The following GSK3B variants were observed in gnomAD, a reference collection of about 807,000 sequenced individuals.
GSK3B encodes the protein glycogen synthase kinase-3 beta.
Under a neutral mutation model 56.4 loss-of-function variants are expected in GSK3B, and 15 were observed. The ratio of observed to expected loss-of-function variants is 0.27; its 90% CI spans 0.18 to 0.41. The LOEUF (loss-of-function observed/expected upper bound fraction) is 0.41, where lower values mean the gene tolerates loss of function less well. Ranked by LOEUF, GSK3B falls within the 10% of genes least tolerant of loss-of-function variation. The pLI is 1.00. For missense variants in GSK3B, 300 were observed against 513.4 expected (o/e 0.58, Z 4.02); for synonymous variants, 181 against 188.9 (o/e 0.96, Z 0.34).
At chr3:119,940,696 T>C (rs1431919185) in intron 3 of GSK3B, among the ~76,000 whole-genome samples, 1 of 152,192 alleles carries the variant, frequency 6.6e-6, no homozygotes, top group African/African-American at 2.4e-5. Context: ...GGTTCTGTTT[T>C]ATCTTTTGGG....
intron 7 of GSK3B, among the ~76,000 whole-genome samples, chr3:119,890,330 C>T (rs936389907): frequency 7.2e-5 from 11 of 152,002 alleles, no homozygotes; most frequent in African/African-American, 2.7e-4. Context: ...GTGATACAGG[C>T]AGCAACACTG....
chr3:119,850,406 C>G (rs2055913995), intron 9 of GSK3B, among the ~76,000 whole-genome samples: 1 of 152,194 alleles, frequency 6.6e-6, no homozygotes, highest in Non-Finnish European at 1.5e-5. Flanking sequence ...TTGCTTTCAT[C>G]TGTTCAGTCT....
intron 10 of GSK3B, among the ~76,000 whole-genome samples, chr3:119,827,406 A>G (rs1160641863): frequency 6.6e-6 from 1 of 152,028 alleles, no homozygotes; most frequent in Non-Finnish European, 1.5e-5. Context: ...CAATTTAATA[A>G]AGCATCTTGT....
chr3:120,043,641 G>T (rs934945723), intron 1 of GSK3B, among the ~76,000 whole-genome samples: 1 of 152,130 alleles, frequency 6.6e-6, no homozygotes, highest in Non-Finnish European at 1.5e-5. Context: ...TCCCCAGATG[G>T]CTGTACCAAC....
rs56728675 is a variant in GSK3B, at chr3:119,823,343, G to A, written c.*3445C>T. ...GAGGAAATGGGCTAAGAGTTCCCTT[G>A]TTAAAACAACAGTCCTCTATTGGCA... On this transcript the variant is annotated 3_prime_UTR_variant, in exon 11 of 11. Transcript: ENST00000264235. 0.24 allele frequency: 49,554 copies of A among 204,540 alleles called. 6,742 individuals are homozygous for A. Among genetic ancestry groups the A allele is most frequent in the East Asian group, 0.48 (6,373 of 13,362 alleles). 12.7% of individuals were successfully genotyped at this position (204,540 alleles called of 1,614,324 possible).
intron 3 of GSK3B, among the ~76,000 whole-genome samples, chr3:119,940,963 T>C (rs2057043155): frequency 6.6e-6 from 1 of 152,152 alleles, no homozygotes; most frequent in South Asian, 2.1e-4. Flanking sequence ...TCATACCTTT[T>C]AGCTATTATT....
intron 1 of GSK3B, among the ~76,000 whole-genome samples, chr3:120,026,004 A>AT (rs1185800084): frequency 6.6e-5 from 10 of 152,200 alleles, no homozygotes; most frequent in African/African-American, 1.9e-4. Flanking sequence ...GATTAAGAGG[A>AT]TAAAATGTCA....
chr3:119,964,551 A>C (rs1436075838), intron 2 of GSK3B, among the ~76,000 whole-genome samples: 5 of 152,220 alleles, frequency 3.3e-5, no homozygotes, highest in Non-Finnish European at 7.3e-5. Flanking sequence ...CATAACAAGG[A>C]ATCAAACCTA....
intron 3 of GSK3B, among the ~76,000 whole-genome samples, chr3:119,930,443 T>A (rs2056934958): frequency 6.6e-6 from 1 of 152,020 alleles, no homozygotes; most frequent in African/African-American, 2.4e-5. Flanking sequence ...ATAAAACACA[T>A]CATGGGATAG....
chr3:119,831,605 C>T (rs1163116645), intron 10 of GSK3B, among the ~76,000 whole-genome samples: 5 of 148,818 alleles, frequency 3.4e-5, no homozygotes, highest in Admixed American at 2.0e-4. Flanking sequence ...TGCAATGAGC[C>T]GAAATCATGC....
At chr3:119,918,233 G>C (rs533031598) in intron 4 of GSK3B, among the ~76,000 whole-genome samples, 2 of 152,068 alleles carry the variant, frequency 1.3e-5, no homozygotes, top group East Asian at 3.9e-4. Context: ...CACTTTGGGA[G>C]ACCAAGGCAG....
At chr3:120,014,936 T>C (rs1296330833) in intron 1 of GSK3B, among the ~76,000 whole-genome samples, 12 of 152,196 alleles carry the variant, frequency 7.9e-5, no homozygotes, top group Non-Finnish European at 1.5e-4. Flanking sequence ...ATCATGCTAC[T>C]GAAATTAACA....
At chr3:119,943,398 G>A (rs77863146) in intron 3 of GSK3B, among the ~76,000 whole-genome samples, 3,941 of 152,092 alleles carry the variant, frequency 0.026, 172 homozygotes, top group African/African-American at 0.089. Context: ...TAACCAAAAT[G>A]CCTATACATA....
chr3:120,021,741 T>A (rs936253386), intron 1 of GSK3B, among the ~76,000 whole-genome samples: 1 of 152,194 alleles, frequency 6.6e-6, no homozygotes, highest in Non-Finnish European at 1.5e-5. Flanking sequence ...CTGCTTCTTA[T>A]GAATGAGCAA....
At chr3:119,893,938 G>A (rs1283667051) in intron 7 of GSK3B, among the ~76,000 whole-genome samples, 1 of 151,128 alleles carries the variant, frequency 6.6e-6, no homozygotes, top group African/African-American at 2.4e-5. Context: ...ACAACTGAGT[G>A]ATTTTTACTA....
intron 7 of GSK3B, among the ~76,000 whole-genome samples, chr3:119,880,741 C>T (rs990990261): frequency 6.6e-6 from 1 of 152,096 alleles, no homozygotes; most frequent in African/African-American, 2.4e-5. Context: ...CTTATTCTAA[C>T]CCCTATTTCT....
chr3:119,979,987 A>T (rs1480289959), intron 2 of GSK3B, among the ~76,000 whole-genome samples: 1 of 152,058 alleles, frequency 6.6e-6, no homozygotes, highest in African/African-American at 2.4e-5. Flanking sequence ...AAATTAGCAG[A>T]GAGAAAAAAA....
At chr3:119,942,669 C>T (rs555083227) in intron 3 of GSK3B, among the ~76,000 whole-genome samples, 4 of 152,178 alleles carry the variant, frequency 2.6e-5, no homozygotes, top group African/African-American at 7.2e-5. Flanking sequence ...TCATCTGATC[C>T]CACACCTTAG....
intron 1 of GSK3B, among the ~76,000 whole-genome samples, chr3:120,015,666 A>T (rs1045961471): frequency 1.4e-5 from 2 of 146,724 alleles, no homozygotes; most frequent in Non-Finnish European, 3.0e-5. Context: ...AAAAAAAAAA[A>T]AAAAAAAAAA....
Sources: gnomAD v4.1 joint callset for allele counts (sites outside exome capture counted in the v4.1 genomes callset) on GRCh38, gnomAD v4.1.1 for gene constraint, MANE v1.5 for transcripts, NCBI Gene and HGNC (gene_info 2026-07-23, HGNC 2026-07-21) for gene names.